The following NIPBL variants were observed in gnomAD, a reference collection of about 807,000 sequenced individuals.
NIPBL encodes the protein nipped-B-like protein.
In NIPBL, 19 loss-of-function variants were observed where a neutral mutation model predicts 321.8. That is an observed-to-expected ratio of 0.06 (90% CI 0.04 to 0.09). The LOEUF is 0.09. Among genes scored for constraint, NIPBL ranks in the 10% least tolerant of loss-of-function variants. NIPBL has a pLI of 1.00. For missense variants in NIPBL, 2,210 were observed against 3,327.0 expected, an observed-to-expected ratio of 0.66 and a Z score of 8.26; for synonymous variants, 1,106 against 1,114.1, an observed-to-expected ratio of 0.99 and a Z score of 0.14.
intron 6 of NIPBL, among the ~76,000 whole-genome samples, chr5:36,967,143 A>G (rs569723106): frequency 5.3e-5 from 8 of 152,238 alleles, no homozygotes; most frequent in South Asian, 2.1e-4. Context: ...TAAACAGGCA[A>G]TTTACTGGAA....
Position 37,000,903 on chromosome 5 carries a change from TATTTA to T in NIPBL, c.3574+20_3574+24del, listed in dbSNP as rs1746719851. ...AACACCTGAAGGTAACACGTTAGTT[TATTTA>T]ATTTGTCTTTATTCATATTCTTCAG... On this transcript the variant is annotated intron_variant, in intron 13 of 46. Transcript: ENST00000282516. 5 of 1,604,240 alleles carry T rather than the reference TATTTA, an allele frequency of 3.1e-6. No individual in the cohort carries two copies. Among genetic ancestry groups the T allele is most frequent in the South Asian group, 2.2e-5 (2 of 90,876 alleles).
At chr5:36,979,148 A>C (rs979111121) in intron 9 of NIPBL, among the ~76,000 whole-genome samples, 1 of 151,962 alleles carries the variant, frequency 6.6e-6, no homozygotes, top group Non-Finnish European at 1.5e-5. Flanking sequence ...TTTGATAGGA[A>C]TAGTGTTGAA....
In NIPBL at chr5:37,006,570, A is replaced by C; in HGVS notation, c.4069A>C (p.Arg1357=). ...TLYPQYDPVY[R]LDPHGGGLLS... ...TTATCCTCAGTATGATCCTGTTTAC[A>C]GATTAGATCCTCATGGAGGTTAGTT... The change falls in exon 17 of 47, where the codon AGA becomes CGA. Residue 1357 remains arginine, a synonymous_variant. Transcript: ENST00000282516. The C allele has an allele frequency of 6.2e-7, 1 of 1,603,936 alleles. No homozygotes were observed. The highest frequency in any genetic ancestry group is 8.5e-7 in the Non-Finnish European group (1 of 1,171,678).
At chr5:37,033,367 T>C (rs925915482) in intron 32 of NIPBL, among the ~76,000 whole-genome samples, 5 of 152,054 alleles carry the variant, frequency 3.3e-5, no homozygotes, top group African/African-American at 4.8e-5. Context: ...TTTTCAAAGA[T>C]ACATTACATA....
At chr5:37,017,305 A>G in intron 24 of NIPBL, 143 bp downstream of exon 24, 1 of 707,904 alleles carries the variant, frequency 1.4e-6, no homozygotes, top group Non-Finnish European at 2.3e-6. Flanking sequence ...AGCCCCAGTG[A>G]GAAATTTTAA....
rs532690903 is a variant in NIPBL, at chr5:36,992,479, T to A, written c.3122-3143T>A. Among the ~76,000 whole-genome samples, 6 of 152,252 alleles carry A rather than the reference T, an allele frequency of 3.9e-5. No homozygotes were observed. In the East Asian group the frequency reaches 1.2e-3, roughly 29 times the overall value. On this transcript the variant is annotated intron_variant, in intron 10 of 46. Coordinates refer to ENST00000282516, the MANE Select transcript of NIPBL (RefSeq NM_133433.4). ...ATAATTTTAAGTACTTGCTGTTTATTCATTTCTGTTAAACTGAGTTAGTTA... is the reference window on the plus strand; with the variant it reads ...ATAATTTTAAGTACTTGCTGTTTATACATTTCTGTTAAACTGAGTTAGTTA...
chr5:37,063,888 G>C lies in NIPBL; in HGVS notation c.7959G>C (p.Leu2653=). The C allele has an allele frequency of 6.2e-7, 1 of 1,614,040 alleles. No homozygotes were observed. The highest frequency in any genetic ancestry group is 8.5e-7 in the Non-Finnish European group (1 of 1,180,008). Residue 2653 remains leucine, a synonymous_variant, in exon 46 of 47, where the codon CTG becomes CTC. Coordinates refer to ENST00000282516, the MANE Select transcript of NIPBL (RefSeq NM_133433.4). ...TNARNKAITS[L]LGGGSPKNNT... is the part of the protein sequence containing the mutation. ...CTCGGAACAAAGCAATTACCTCACT[G>C]CTTGGAGGAGGCAGCCCTAAAAATA... is the stretch of plus-strand genomic sequence containing the variant.
intron 1 of NIPBL, among the ~76,000 whole-genome samples, chr5:36,938,165 G>A (rs1432596573): frequency 1.3e-5 from 2 of 152,152 alleles, no homozygotes; most frequent in African/African-American, 4.8e-5. Context: ...GATTAGGCTT[G>A]TACTTTTGTG....
intron 1 of NIPBL, among the ~76,000 whole-genome samples, chr5:36,920,734 C>G (rs184147077): frequency 2.0e-5 from 3 of 152,166 alleles, no homozygotes; most frequent in African/African-American, 4.8e-5. Flanking sequence ...GTACTGTGCT[C>G]CTCCTCTCAG....
intron 1 of NIPBL, among the ~76,000 whole-genome samples, chr5:36,948,547 A>G (rs556490360): frequency 5.3e-5 from 8 of 151,936 alleles, no homozygotes; most frequent in Non-Finnish European, 8.8e-5. Context: ...TCTTACATCC[A>G]TCATGTATTT....
chr5:36,884,021 C>T (rs1180288462), intron 1 of NIPBL, among the ~76,000 whole-genome samples: 1 of 152,080 alleles, frequency 6.6e-6, no homozygotes, highest in South Asian at 2.1e-4. Context: ...ACTACTGATT[C>T]TTTCCCCTTT....
rs543946238 is a variant in NIPBL at position 37,024,818 on chromosome 5, T to C, written c.5709+99T>C. The stretch of plus-strand genomic sequence containing the variant: ...TGATTTTAAATATATCCAAACACTT[T>C]ACAATGAATCGTTTATAGTTTATAA... On this transcript the variant is annotated intron_variant, in intron 30 of 46. Transcript: ENST00000282516. The C allele has an allele frequency of 4.4e-6, 4 of 916,534 alleles. No individual in the cohort carries two copies. In the African/African-American group the frequency reaches 5.0e-5, roughly 12 times the overall value. 56.8% of individuals were successfully genotyped at this position (916,534 alleles called of 1,614,324 possible). A position where few individuals can be genotyped will look rare whatever the true frequency, so the allele number is the denominator to read the frequency against.
In NIPBL at chr5:36,968,110, A is replaced by C. The variant is rs549092430; in HGVS notation, c.611-2766A>C. 1.1e-4 allele frequency among the ~76,000 whole-genome samples: 15 copies of C among 140,668 alleles called. 1 individual carries two copies. The highest frequency in any genetic ancestry group is 5.3e-4 in the Admixed American group (7 of 13,190). The allele number at this position is 140,668 out of a possible 152,430, so 92.3% of individuals were successfully genotyped here. The stretch of plus-strand genomic sequence containing the variant: ...GACTCTGTCTCAAAAAAAAAAAAAA[A>C]ACAAAAAACAAAAAACGAATAAGCA... On this transcript the variant is annotated intron_variant, in intron 6 of 46. Transcript: ENST00000282516.
At chr5:36,960,593 A>G (rs923806480) in intron 4 of NIPBL, among the ~76,000 whole-genome samples, 3 of 152,164 alleles carry the variant, frequency 2.0e-5, no homozygotes, top group African/African-American at 7.2e-5. Context: ...TAGCAAATCA[A>G]CTTCTGTTTG....
chr5:37,044,078 A>G (rs1561204829), intron 34 of NIPBL, among the ~76,000 whole-genome samples: 1 of 152,130 alleles, frequency 6.6e-6, no homozygotes, highest in Non-Finnish European at 1.5e-5. Flanking sequence ...TTTGTTTAGA[A>G]TTGACTTGTG....
intron 1 of NIPBL, among the ~76,000 whole-genome samples, chr5:36,887,216 G>T (rs1745978483): frequency 6.6e-6 from 1 of 152,104 alleles, no homozygotes; most frequent in African/African-American, 2.4e-5. Context: ...ATGTGAAATA[G>T]ACCTACTCTC....
Position 36,971,952 on chromosome 5 carries a change from ATTC to A in NIPBL, c.783_785del (p.Ser262del). The A allele has an allele frequency of 6.2e-7, 1 of 1,612,368 alleles. No homozygotes were observed. Among genetic ancestry groups the A allele is most frequent in the South Asian group, 1.1e-5 (1 of 90,998 alleles). On this transcript the variant is annotated inframe_deletion, in exon 8 of 47. Coordinates refer to ENST00000282516, the MANE Select transcript of NIPBL (RefSeq NM_133433.4). ...TGTATACTCTATTTTTAGGATGGAGATTCTTCAACAATGAGGAATGCTGCATCT... is the reference window on the plus strand; with the variant it reads ...TGTATACTCTATTTTTAGGATGGAGATTCAACAATGAGGAATGCTGCATCT...
At position 37,049,014 on chromosome 5, in the gene NIPBL, A is replaced by G. The variant is rs1475646152; in HGVS notation, c.6764-97A>G. ...CCATTGAGCCAGAACACTAGCTGTAACGTTTTGTGATTTTGGTTATGGCCT... is the reference window on the plus strand; with the variant it reads ...CCATTGAGCCAGAACACTAGCTGTAGCGTTTTGTGATTTTGGTTATGGCCT... On this transcript the variant is annotated intron_variant, in intron 39 of 46. Transcript: ENST00000282516. The G allele has an allele frequency of 2.5e-6, 3 of 1,184,714 alleles. No homozygotes were observed. The East Asian group carries it at 7.1e-5, about 28-fold the overall frequency. The allele number at this position is 1,184,714 out of a possible 1,614,324, so 73.4% of individuals were successfully genotyped here.
intron 1 of NIPBL, among the ~76,000 whole-genome samples, chr5:36,929,028 A>G (rs1158811284): frequency 6.6e-6 from 1 of 151,350 alleles, no homozygotes; most frequent in Non-Finnish European, 1.5e-5. Flanking sequence ...CATTCCTAAG[A>G]ATGGAATTGC....
Sources: allele counts gnomAD v4.1 joint callset (sites outside exome capture counted in the v4.1 genomes callset), GRCh38; gene constraint gnomAD v4.1.1; transcripts MANE v1.5; gene names NCBI Gene and HGNC (gene_info 2026-07-23, HGNC 2026-07-21).